The following EIF4G3 variants were observed in gnomAD, a reference collection of about 807,000 sequenced individuals.
The protein encoded by EIF4G3 is eIF-4-gamma 3.
A neutral mutation model predicts 186.4 loss-of-function variants in EIF4G3; 34 were observed. The ratio of observed to expected loss-of-function variants is 0.18; its 90% CI spans 0.14 to 0.24. EIF4G3 has a LOEUF of 0.24. Ranked by LOEUF, EIF4G3 falls within the 10% of genes least tolerant of loss-of-function variation. EIF4G3 has a pLI of 1.00. For synonymous variants in EIF4G3, 673 were observed against 679.5 expected, an observed-to-expected ratio of 0.99 and a Z score of 0.15; for missense variants, 1,536 against 1,948.5, an observed-to-expected ratio of 0.79 and a Z score of 3.99.
intron 7 of EIF4G3, among the ~76,000 whole-genome samples, chr1:20,992,695 C>T (rs944999284): frequency 1.3e-5 from 2 of 152,182 alleles, no homozygotes; most frequent in Non-Finnish European, 2.9e-5. Flanking sequence ...GTGTTTTGTC[C>T]TATGAACACT....
At chr1:20,954,534 CAAAAAAAAAAAAA>C (rs35942587) in intron 12 of EIF4G3, among the ~76,000 whole-genome samples, 4 of 49,324 alleles carry the variant, frequency 8.1e-5, no homozygotes, top group Non-Finnish European at 1.0e-4. Flanking sequence ...GACCCCGTCT[CAAAAAAAAAAAAA>C]AAAAAAAAAA....
At chr1:21,121,863 G>A (rs1045920141) in intron 2 of EIF4G3, among the ~76,000 whole-genome samples, 4 of 151,848 alleles carry the variant, frequency 2.6e-5, no homozygotes, top group African/African-American at 7.2e-5. Flanking sequence ...ACTACAACAC[G>A]TGTGTATACA....
At chr1:21,040,566 G>A (rs2093509155) in intron 4 of EIF4G3, among the ~76,000 whole-genome samples, 1 of 152,186 alleles carries the variant, frequency 6.6e-6, no homozygotes, top group Non-Finnish European at 1.5e-5. Context: ...TGAAGGGGTG[G>A]GAAGGCAGTC....
intron 16 of EIF4G3, among the ~76,000 whole-genome samples, chr1:20,896,227 G>C (rs1326713072): frequency 6.6e-6 from 1 of 152,058 alleles, no homozygotes; most frequent in Non-Finnish European, 1.5e-5. Context: ...GAGGCCAAGA[G>C]TTTGAGACCA....
In EIF4G3 at chr1:20,864,719, T is replaced by A. The variant is rs778734868; in HGVS notation, c.2770-7A>T. The A allele has an allele frequency of 6.2e-7, 1 of 1,606,474 alleles. No individual in the cohort carries two copies. The highest frequency in any genetic ancestry group is 1.7e-5 in the Admixed American group (1 of 59,782). Reference sequence around the variant, plus strand: ...GCCTTGTCCTCTCCTCTGGCTGTTGTGTAAGGAGGAATAATAGCATCTTGA... The same window carrying A: ...GCCTTGTCCTCTCCTCTGGCTGTTGAGTAAGGAGGAATAATAGCATCTTGA... On this transcript the variant is annotated splice_polypyrimidine_tract_variant and splice_region_variant and intron_variant, in intron 21 of 36. Coordinates refer to ENST00000602326, the MANE Select transcript of EIF4G3 (RefSeq NM_001391906.1).
intron 2 of EIF4G3, among the ~76,000 whole-genome samples, chr1:21,096,283 C>T (rs1233686456): frequency 6.6e-6 from 1 of 152,162 alleles, no homozygotes; most frequent in Non-Finnish European, 1.5e-5. Context: ...TGTGAAACAA[C>T]TCAGAAAGAC....
chr1:20,830,543 A>G (rs1010765179), intron 30 of EIF4G3, among the ~76,000 whole-genome samples: 2 of 152,236 alleles, frequency 1.3e-5, no homozygotes, highest in African/African-American at 2.4e-5. Context: ...CAGGATTTCT[A>G]GGTTAACCAC....
At chr1:21,104,875 G>A (rs976635375) in intron 2 of EIF4G3, among the ~76,000 whole-genome samples, 5 of 151,494 alleles carry the variant, frequency 3.3e-5, no homozygotes, top group Non-Finnish European at 4.4e-5. Flanking sequence ...AATACTACAC[G>A]CCCATAAAAA....
At chr1:20,992,286 G>C (rs1570548340) in intron 7 of EIF4G3, among the ~76,000 whole-genome samples, 1 of 152,102 alleles carries the variant, frequency 6.6e-6, no homozygotes, top group South Asian at 2.1e-4. Context: ...GCCAGGTCTG[G>C]CCCATTTATT....
At chr1:21,172,614 T>A (rs1282395307) in intron 2 of EIF4G3, among the ~76,000 whole-genome samples, 1 of 152,114 alleles carries the variant, frequency 6.6e-6, no homozygotes, top group Non-Finnish European at 1.5e-5. Context: ...AGTAGAGCGA[T>A]CTCGGCTCAC....
intron 25 of EIF4G3, among the ~76,000 whole-genome samples, chr1:20,856,155 T>C (rs1425290342): frequency 2.0e-5 from 3 of 152,154 alleles, no homozygotes; most frequent in Non-Finnish European, 4.4e-5. Flanking sequence ...TACCAGAATC[T>C]TGGAGAAAAG....
intron 18 of EIF4G3, among the ~76,000 whole-genome samples, chr1:20,887,165 C>A (rs1332616494): frequency 6.6e-6 from 1 of 151,970 alleles, no homozygotes; most frequent in Non-Finnish European, 1.5e-5. Context: ...TGTTGACAAC[C>A]TTTACTTTTT....
intron 28 of EIF4G3, 91 bp downstream of exon 28, chr1:20,851,167 A>G: frequency 1.7e-6 from 2 of 1,205,832 alleles, no homozygotes; most frequent in Non-Finnish European, 2.4e-6. Flanking sequence ...TTATGTGTTA[A>G]TTCTAAAATC....
chr1:20,841,980 T>C (rs2068776586), intron 29 of EIF4G3, among the ~76,000 whole-genome samples: 1 of 151,222 alleles, frequency 6.6e-6, no homozygotes, highest in African/African-American at 2.4e-5. Flanking sequence ...CCACTGCCGC[T>C]TTTTCCTCCC....
chr1:20,933,875 G>T (rs906426975), intron 14 of EIF4G3, among the ~76,000 whole-genome samples: 1 of 152,196 alleles, frequency 6.6e-6, no homozygotes, highest in Non-Finnish European at 1.5e-5. Flanking sequence ...GGAGATATTT[G>T]TCAGATAATT....
intron 31 of EIF4G3, among the ~76,000 whole-genome samples, chr1:20,828,616 T>C (rs1423896327): frequency 2.6e-5 from 4 of 152,208 alleles, no homozygotes; most frequent in African/African-American, 9.7e-5. Flanking sequence ...TAAACAACTT[T>C]TGTGGAAACA....
At chr1:21,140,412 C>A (rs115704570) in intron 2 of EIF4G3, among the ~76,000 whole-genome samples, 264 of 152,262 alleles carry the variant, frequency 1.7e-3, no homozygotes, top group African/African-American at 5.8e-3. Context: ...CTCCTGGGTT[C>A]AAGTGGGCCT....
chr1:21,093,213 C>T (rs1037015282), intron 2 of EIF4G3, among the ~76,000 whole-genome samples: 28 of 152,112 alleles, frequency 1.8e-4, no homozygotes, highest in South Asian at 1.3e-3. Context: ...TGACAAAGGG[C>T]TAATATCCAG....
intron 2 of EIF4G3, among the ~76,000 whole-genome samples, chr1:21,153,646 C>A (rs150657234): frequency 2.0e-5 from 3 of 152,104 alleles, no homozygotes; most frequent in African/African-American, 7.2e-5. Flanking sequence ...CTCAGGGGAA[C>A]CTCCGCCTCC....
Sources: allele counts gnomAD v4.1 joint callset (sites outside exome capture counted in the v4.1 genomes callset), GRCh38; gene constraint gnomAD v4.1.1; transcripts MANE v1.5; gene names NCBI Gene and HGNC (gene_info 2026-07-23, HGNC 2026-07-21).